EPB41: variants seen among roughly 807,000 people sequenced by gnomAD.
The protein encoded by EPB41 is erythrocyte membrane protein band 4.1.
A neutral mutation model predicts 108.0 loss-of-function variants in EPB41; 65 were observed. The observed-to-expected ratio is 0.60, with a 90% CI of 0.49 to 0.74. EPB41 has a LOEUF of 0.74. Among genes scored for constraint, EPB41 ranks in the 30% least tolerant of loss-of-function variants. EPB41 has a pLI of 0.00. For missense variants in EPB41, 875 were observed against 1,037.0 expected (o/e 0.84, Z 2.15); for synonymous variants, 336 against 358.9 (o/e 0.94, Z 0.72).
rs1294712086 is a variant in EPB41 at position 28,997,265 on chromosome 1, T to C, written c.732T>C (p.Asn244=). ...TTAAACGAGTATGTGAGCATCTCAA[T>C]CTTTTGGAAGAAGACTATTTTGGTC... ...DLLKRVCEHL[N]LLEEDYFGLA... Residue 244 remains asparagine (N), a synonymous_variant, in exon 4 of 21, where the codon AAT becomes AAC. Coordinates refer to ENST00000343067, the MANE Select transcript of EPB41 (RefSeq NM_001376013.1). The C allele has an allele frequency of 6.2e-7, 1 of 1,614,066 alleles. No individual in the cohort carries two copies. Among genetic ancestry groups the C allele is most frequent in the Non-Finnish European group, 8.5e-7 (1 of 1,180,020 alleles).
chr1:29,070,898 G>A (rs1228308098), intron 16 of EPB41: 3 of 303,078 alleles, frequency 9.9e-6, no homozygotes, highest in African/African-American at 6.5e-5. Flanking sequence ...CTTCCCAAAA[G>A]CTTTAACTCT....
At position 28,914,582 on chromosome 1, in the gene EPB41, G is replaced by A. The variant is rs1417825146; in HGVS notation, c.-194G>A. The A allele has an allele frequency of 2.0e-5, 3 of 151,848 alleles. No homozygotes were observed. The highest frequency in any genetic ancestry group is 4.4e-5 in the Non-Finnish European group (3 of 67,986). 9.4% of individuals were successfully genotyped at this position (151,848 alleles called of 1,614,324 possible). The stretch of plus-strand genomic sequence containing the variant: ...GCCTCGCCTCGCAGAGGGAAGGCGG[G>A]AGGGCGCGCGCCAGGGTCGCTCGCT... On this transcript the variant is annotated 5_prime_UTR_variant, in exon 1 of 21. Coordinates refer to ENST00000343067, the MANE Select transcript of EPB41 (RefSeq NM_001376013.1).
chr1:29,034,996 T>C (rs1358593059), intron 9 of EPB41, among the ~76,000 whole-genome samples: 1 of 122,302 alleles, frequency 8.2e-6, no homozygotes. Flanking sequence ...TTTTTTTTTT[T>C]TGGAAGAAGA....
intron 12 of EPB41, among the ~76,000 whole-genome samples, chr1:29,056,283 A>C (rs545539221): frequency 1.3e-3 from 197 of 152,148 alleles, no homozygotes; most frequent in East Asian, 4.3e-3. Context: ...CAAAACAAAA[A>C]AAAAACTATG....
intron 1 of EPB41, among the ~76,000 whole-genome samples, chr1:28,908,836 T>C (rs1258547376): frequency 2.6e-5 from 4 of 151,974 alleles, no homozygotes. Context: ...AAAATGATGA[T>C]ACAAATGTTC....
rs1377836783 is a variant in EPB41 at position 29,058,659 on chromosome 1, G to T, written c.1902+14G>T. ...GACCAAACACAGGTTTGTGCCAATAGGCCACTTGTTCCTCTTTCCCTCCAC... is the reference window on the plus strand; with the variant it reads ...GACCAAACACAGGTTTGTGCCAATATGCCACTTGTTCCTCTTTCCCTCCAC... On this transcript the variant is annotated intron_variant, in intron 13 of 20. Transcript: ENST00000343067. 1.2e-6 allele frequency: 2 copies of T among 1,611,946 alleles called. No individual in the cohort carries two copies. Among genetic ancestry groups the T allele is most frequent in the South Asian group, 1.1e-5 (1 of 90,696 alleles).
rs1557817872 is a variant in EPB41, at chr1:28,958,837, A to AAAAG, written c.-7-28586_-7-28583dup. 7.9e-5 allele frequency among the ~76,000 whole-genome samples: 12 copies of AAAAG among 151,576 alleles called. No homozygotes were observed. The East Asian group carries it at 1.8e-3, about 22-fold the overall frequency. The stretch of plus-strand genomic sequence containing the variant: ...CTGTCTCCAAAAAAAAAAAAAAAAA[A>AAAAG]AAAGAAAGAAAAAAGAGAATAATGA... On this transcript the variant is annotated intron_variant, in intron 1 of 20. Transcript: ENST00000343067.
intron 16 of EPB41, chr1:29,071,471 C>G (rs1651391842): frequency 6.6e-6 from 1 of 152,192 alleles, no homozygotes; most frequent in Admixed American, 6.5e-5. Flanking sequence ...TATGGCTTTA[C>G]TAATTATATT....
In EPB41 at chr1:28,893,210, T is replaced by C. The variant is rs142503564; in HGVS notation, c.-8+6000T>C. The stretch of plus-strand genomic sequence containing the variant: ...GAGCCTCCTACCTAAGCCTCCTGAG[T>C]AGGTGGGACTCCACCACACACACCT... On this transcript the variant is annotated intron_variant, in intron 1 of 16. Transcript: ENST00000347529. Among the ~76,000 whole-genome samples, 24 of 152,050 alleles carry C rather than the reference T, an allele frequency of 1.6e-4. No homozygotes were observed. The East Asian group carries it at 4.6e-3, about 29-fold the overall frequency.
chr1:29,050,108 G>C (rs1418298348), intron 11 of EPB41, among the ~76,000 whole-genome samples: 1 of 152,156 alleles, frequency 6.6e-6, no homozygotes, highest in Non-Finnish European at 1.5e-5. Flanking sequence ...GTAAGATTAA[G>C]CTCCACGCCT....
chr1:29,061,343 T>C (rs969477523), intron 15 of EPB41, among the ~76,000 whole-genome samples: 2 of 152,012 alleles, frequency 1.3e-5, no homozygotes, highest in Admixed American at 6.6e-5. Context: ...GATCTCAGCT[T>C]ACTGCAAGCT....
intron 11 of EPB41, among the ~76,000 whole-genome samples, chr1:29,047,314 G>A (rs1428385945): frequency 2.2e-5 from 3 of 137,216 alleles, no homozygotes; most frequent in East Asian, 4.9e-4. Flanking sequence ...CAGTAGTGCC[G>A]TCATAGCTTG....
chr1:29,007,417 G>A (rs1039699483), intron 4 of EPB41, among the ~76,000 whole-genome samples: 16 of 152,096 alleles, frequency 1.1e-4, no homozygotes, highest in Admixed American at 3.3e-4. Context: ...TGAGACTGAC[G>A]GATTTTAGAG....
At chr1:28,912,017 G>A (rs1359568728), upstream of EPB41, among the ~76,000 whole-genome samples, 2 of 152,158 alleles carry the variant, frequency 1.3e-5, no homozygotes, top group Admixed American at 1.3e-4. Context: ...TTGCACTCCA[G>A]CCTGGGCAAA....
intron 1 of EPB41, among the ~76,000 whole-genome samples, chr1:28,945,554 A>G (rs74874478): frequency 0.024 from 3,602 of 152,240 alleles, 62 homozygotes; most frequent in Middle Eastern, 0.048. Flanking sequence ...ACCCTAAGGG[A>G]AAAAAAGGAG....
chr1:28,947,170 C>A (rs1169285549), intron 1 of EPB41, among the ~76,000 whole-genome samples: 2 of 152,196 alleles, frequency 1.3e-5, no homozygotes, highest in Admixed American at 6.5e-5. Context: ...GTAATCCCAG[C>A]ACTTTAGGAA....
chr1:28,945,160 T>C (rs543973153), intron 1 of EPB41, among the ~76,000 whole-genome samples: 1 of 152,230 alleles, frequency 6.6e-6, no homozygotes, highest in Non-Finnish European at 1.5e-5. Context: ...GGTAATACTT[T>C]ACCATCTAAA....
intron 16 of EPB41, among the ~76,000 whole-genome samples, chr1:29,073,915 C>G (rs1244179900): frequency 6.6e-6 from 1 of 152,164 alleles, no homozygotes; most frequent in African/African-American, 2.4e-5. Context: ...ATAAATTTTA[C>G]TCTGAAACTT....
intron 1 of EPB41, among the ~76,000 whole-genome samples, chr1:28,964,931 T>C (rs2095323323): frequency 6.6e-6 from 1 of 152,206 alleles, no homozygotes; most frequent in African/African-American, 2.4e-5. Context: ...AGATTGTATA[T>C]CAAAGGCCTT....
Sources: allele counts gnomAD v4.1 joint callset (sites outside exome capture counted in the v4.1 genomes callset), GRCh38; gene constraint gnomAD v4.1.1; transcripts MANE v1.5; gene names NCBI Gene and HGNC (gene_info 2026-07-23, HGNC 2026-07-21).